SEZ6L: variants seen among roughly 807,000 people sequenced by gnomAD.
The protein encoded by SEZ6L is seizure 6-like protein.
In SEZ6L, 37 loss-of-function variants were observed where a neutral mutation model predicts 106.2. The observed-to-expected ratio is 0.35, with a 90% confidence interval of 0.27 to 0.46. SEZ6L has a LOEUF of 0.46. Among genes scored for constraint, SEZ6L ranks in the 20% least tolerant of loss-of-function variants. The pLI, the probability that SEZ6L is intolerant of heterozygous loss-of-function variation, is 1.00. For missense variants in SEZ6L, 1,172 were observed against 1,332.8 expected, an observed-to-expected ratio of 0.88 and a Z score of 1.88; for synonymous variants, 541 against 570.4, an observed-to-expected ratio of 0.95 and a Z score of 0.73.
chr22:26,224,237 C>G (rs1211231920), intron 1 of SEZ6L, among the ~76,000 whole-genome samples: 1 of 152,188 alleles, frequency 6.6e-6, no homozygotes, highest in Non-Finnish European at 1.5e-5. Flanking sequence ...CATGCTGGCT[C>G]TCTCAGAGGT....
intron 12 of SEZ6L, among the ~76,000 whole-genome samples, chr22:26,361,935 T>C (rs1568944364): frequency 6.6e-6 from 1 of 152,084 alleles, no homozygotes; most frequent in African/African-American, 2.4e-5. Flanking sequence ...CCTCAGGATA[T>C]TTTCAGAGGA....
At chr22:26,187,090 T>G (rs949517653) in intron 1 of SEZ6L, among the ~76,000 whole-genome samples, 1 of 152,216 alleles carries the variant, frequency 6.6e-6, no homozygotes, top group African/African-American at 2.4e-5. Context: ...GTTTTCATGC[T>G]GCTATGAAGA....
intron 12 of SEZ6L, among the ~76,000 whole-genome samples, chr22:26,364,425 T>TA (rs10577471): frequency 0.011 from 1,413 of 131,208 alleles, 10 homozygotes; most frequent in Non-Finnish European, 0.016. Flanking sequence ...GTCTCTACTT[T>TA]AAAAAAAAAA....
At chr22:26,188,404 G>A (rs575205171) in intron 1 of SEZ6L, among the ~76,000 whole-genome samples, 1 of 152,310 alleles carries the variant, frequency 6.6e-6, no homozygotes, top group East Asian at 1.9e-4. Context: ...GGGTTCAACT[G>A]CATGTCTGGT....
chr22:26,361,497 A>G, intron 12 of SEZ6L, among the ~76,000 whole-genome samples: 1 of 116,992 alleles, frequency 8.5e-6, no homozygotes, highest in Non-Finnish European at 1.7e-5. Context: ...ACAGAGTGAG[A>G]CTCTGTCTCA....
intron 1 of SEZ6L, among the ~76,000 whole-genome samples, chr22:26,201,594 C>T (rs1267483285): frequency 2.0e-5 from 3 of 151,694 alleles, no homozygotes; most frequent in African/African-American, 7.3e-5. Context: ...TAAAATAAAA[C>T]GTATCTGGAG....
chr22:26,249,067 G>A (rs2079472949), intron 1 of SEZ6L, among the ~76,000 whole-genome samples: 1 of 152,122 alleles, frequency 6.6e-6, no homozygotes, highest in African/African-American at 2.4e-5. Flanking sequence ...ATAATCTTAT[G>A]TATTTATGGG....
At chr22:26,352,843 C>A (rs2083324552) in intron 12 of SEZ6L, among the ~76,000 whole-genome samples, 2 of 152,290 alleles carry the variant, frequency 1.3e-5, no homozygotes, top group South Asian at 4.2e-4. Context: ...CACAAGAGAC[C>A]TTCCTCTCTG....
intron 14 of SEZ6L, among the ~76,000 whole-genome samples, chr22:26,374,215 T>C (rs1342087052): frequency 1.3e-5 from 2 of 151,834 alleles, no homozygotes; most frequent in African/African-American, 4.8e-5. Flanking sequence ...ACAAATGCAG[T>C]ATATTATAGC....
chr22:26,289,813 T>C (rs1217249129), intron 1 of SEZ6L, among the ~76,000 whole-genome samples: 1 of 152,238 alleles, frequency 6.6e-6, no homozygotes, highest in East Asian at 1.9e-4. Flanking sequence ...GCCTGGAGAC[T>C]GTAGCTGAGT....
chr22:26,245,156 G>A (rs564674684), intron 1 of SEZ6L, among the ~76,000 whole-genome samples: 3 of 152,216 alleles, frequency 2.0e-5, no homozygotes, highest in South Asian at 4.2e-4. Context: ...GAGCATCAGG[G>A]GAGGGAGAAC....
In SEZ6L at chr22:26,328,779, A is replaced by AG. The variant is rs752099277; in HGVS notation, c.2016-11655dup. On this transcript the variant is annotated intron_variant, in intron 9 of 16. Coordinates refer to ENST00000248933, the MANE Select transcript of SEZ6L (RefSeq NM_021115.5). The stretch of plus-strand genomic sequence containing the variant: ...GGGAAATTGAGAAAAGGGAGAAAGG[A>AG]GGAGGAGATGGAGAAAAGGAAGAAA... Among the ~76,000 whole-genome samples the AG allele has an allele frequency of 7.4e-4, 113 of 152,170 alleles. 2 individuals carry two copies. The highest frequency in any genetic ancestry group is 6.8e-3 in the Middle Eastern group (2 of 294).
chr22:26,238,156 G>C (rs773824891), intron 1 of SEZ6L, among the ~76,000 whole-genome samples: 9 of 152,222 alleles, frequency 5.9e-5, no homozygotes, highest in Non-Finnish European at 1.3e-4. Context: ...GCATTGGTCA[G>C]AGCAGGCAGA....
chr22:26,340,396 CT>C, intron 9 of SEZ6L, 39 bp from the exon 10 acceptor site: 1 of 1,554,992 alleles, frequency 6.4e-7, no homozygotes. Flanking sequence ...AATGCCCATT[CT>C]CTATTTCACA....
At chr22:26,310,576 G>A (rs1005620779) in intron 6 of SEZ6L, 94 bp from the exon 7 acceptor site, 4 of 1,362,246 alleles carry the variant, frequency 2.9e-6, no homozygotes, top group Non-Finnish European at 4.1e-6. Context: ...CCGGTAATGA[G>A]GCTCCAGAGG....
rs16981767 is a variant in SEZ6L at position 26,333,001 on chromosome 22, C to G, written c.2016-7435C>G. Among the ~76,000 whole-genome samples the G allele has an allele frequency of 6.8e-3, 1,033 of 152,330 alleles. 21 individuals are homozygous for G. The highest frequency in any genetic ancestry group is 0.024 in the African/African-American group (992 of 41,564). On this transcript the variant is annotated intron_variant, in intron 9 of 16. Transcript: ENST00000248933. The stretch of plus-strand genomic sequence containing the variant: ...GTTTGAATGCTTGATACTTGGCGGA[C>G]AGCACTGTTGTTATTCAAAAGCTAA...
At chr22:26,171,367 C>G (rs1938591918) in intron 1 of SEZ6L, among the ~76,000 whole-genome samples, 1 of 152,070 alleles carries the variant, frequency 6.6e-6, no homozygotes, top group Non-Finnish European at 1.5e-5. Flanking sequence ...GAGTCCAGCT[C>G]TCCCTCCCCC....
chr22:26,274,842 A>G (rs1315485337), intron 1 of SEZ6L, among the ~76,000 whole-genome samples: 5 of 152,164 alleles, frequency 3.3e-5, no homozygotes, highest in Non-Finnish European at 7.4e-5. Context: ...TTCAGTGCCC[A>G]GGGTTTTATC....
At position 26,375,636 on chromosome 22, in the gene SEZ6L, C is replaced by T; in HGVS notation, c.2889C>T (p.Ile963=). The change falls in exon 15 of 17, where the codon ATC becomes ATT. Residue 963 remains isoleucine, a synonymous_variant. Transcript: ENST00000248933. ...EGGNMALAIF[I]PVLIISLLLG... The stretch of plus-strand genomic sequence containing the variant: ...GGAACATGGCCCTGGCTATCTTCAT[C>T]CCGGTCCTCATCATCTCCTTACTGC... 1 of 1,614,102 alleles carries T rather than the reference C, an allele frequency of 6.2e-7. No individual in the cohort carries two copies. Among genetic ancestry groups the T allele is most frequent in the Non-Finnish European group, 8.5e-7 (1 of 1,180,012 alleles).
Sources: gnomAD v4.1 joint callset for allele counts (sites outside exome capture counted in the v4.1 genomes callset) on GRCh38, gnomAD v4.1.1 for gene constraint, MANE v1.5 for transcripts, NCBI Gene and HGNC (gene_info 2026-07-23, HGNC 2026-07-21) for gene names.